RAI2: variants seen among roughly 807,000 people sequenced by gnomAD.
RAI2 encodes retinoic acid-induced protein 2.
A neutral mutation model predicts 15.3 loss-of-function variants in RAI2; 5 were observed. The observed-to-expected ratio is 0.33, with a 90% confidence interval of 0.17 to 0.69. RAI2 has a LOEUF of 0.69. Among genes scored for constraint, RAI2 ranks in the 30% least tolerant of loss-of-function variants. The probability of loss-of-function intolerance (pLI) is 0.69; values close to 1 mark genes in which losing one functional copy is unlikely to be tolerated. For synonymous variants in RAI2, 191 were observed against 184.0 expected (o/e 1.04, Z -0.31); for missense variants, 424 against 424.7 (o/e 1.00, Z 0.01).
chrX:17,825,665 T>C (rs920999456), intron 1 of RAI2, among the ~76,000 whole-genome samples: 8 of 112,585 alleles, frequency 7.1e-5, no homozygotes, highest in African/African-American at 2.3e-4. Flanking sequence ...GGTGGGCAGG[T>C]AGTGATGTCT....
In RAI2 at chrX:17,802,133, T is replaced by C; in HGVS notation, c.-24-99A>G. 7 of 1,005,961 alleles carry C rather than the reference T, an allele frequency of 7.0e-6. No individual in the cohort carries two copies. The South Asian group carries it at 1.7e-4, about 25-fold the overall frequency. The allele number at this position is 1,005,961 out of a possible 1,213,427, so 82.9% of individuals were successfully genotyped here. On this transcript the variant is annotated intron_variant, in intron 1 of 1. Transcript: ENST00000451717. ...CTTTAGAAAGTTTCCACGTTTTAGT[T>C]AACCAGGGAGCATAACCCATCTCTC...
chrX:17,833,260 G>T (rs1456208310), intron 1 of RAI2, among the ~76,000 whole-genome samples: 1 of 111,689 alleles, frequency 9.0e-6, no homozygotes, highest in Non-Finnish European at 1.9e-5. Flanking sequence ...GGTGGCTCAG[G>T]CCTGTAATCT....
At chrX:17,838,150 G>A (rs764135233) in intron 1 of RAI2, among the ~76,000 whole-genome samples, 1 of 112,436 alleles carries the variant, frequency 8.9e-6, no homozygotes, top group African/African-American at 3.2e-5. Flanking sequence ...CGATACCGAA[G>A]TAAGAATAGT....
chrX:17,836,859 C>T (rs1405357095), intron 1 of RAI2, among the ~76,000 whole-genome samples: 1 of 112,103 alleles, frequency 8.9e-6, no homozygotes, highest in Non-Finnish European at 1.9e-5. Context: ...AAGGGGACCA[C>T]AGGCAGCACC....
chrX:17,850,976 C>T lies in RAI2; in HGVS notation c.-25+10122G>A, dbSNP rs79265033. ...CACTTCACTGTGAGGGGGCAGAAATCCTGTCCGATACAGGCAGTGGTCTGC... is the reference window on the plus strand; with the variant it reads ...CACTTCACTGTGAGGGGGCAGAAATTCTGTCCGATACAGGCAGTGGTCTGC... On this transcript the variant is annotated intron_variant, in intron 1 of 1. Transcript: ENST00000451717. 1.1e-3 allele frequency among the ~76,000 whole-genome samples: 126 copies of T among 112,871 alleles called. 1 individual carries two copies. In the East Asian group the frequency reaches 0.026, roughly 23 times the overall value.
At position 17,801,861 on chromosome X, in the gene RAI2, C is replaced by T. The variant is rs758447930; in HGVS notation, c.150G>A (p.Leu50=). ...GAATGGATGGGGCTGGCACGGTCACCAGGGCCTTCTTTACCAGGTCAGTGG... is the reference window on the plus strand; with the variant it reads ...GAATGGATGGGGCTGGCACGGTCACTAGGGCCTTCTTTACCAGGTCAGTGG... ...INSTDLVKKA[L]VTVPAPSILN... Residue 50 remains leucine (L), a synonymous_variant, in exon 2 of 2, where the codon CTG becomes CTA. Transcript: ENST00000451717. 3.3e-6 allele frequency: 4 copies of T among 1,211,068 alleles called. No individual in the cohort carries two copies. The Admixed American group carries it at 6.5e-5, about 20-fold the overall frequency.
At position 17,800,353 on chromosome X, in the gene RAI2, C is replaced by A; in HGVS notation, c.*65G>T. The A allele has an allele frequency of 1.8e-6, 2 of 1,105,603 alleles. No individual in the cohort carries two copies. Among genetic ancestry groups the A allele is most frequent in the Non-Finnish European group, 1.2e-6 (1 of 835,894 alleles). 91.1% of individuals were successfully genotyped at this position (1,105,603 alleles called of 1,213,427 possible). On this transcript the variant is annotated 3_prime_UTR_variant, in exon 2 of 2. Transcript: ENST00000451717. ...TAACAAAGATAATTTGTTTTAAATG[C>A]CTTTTTATAAAACCAATGCACCTTT...
Position 17,800,916 on chromosome X carries a change from T to G in RAI2, c.1095A>C (p.Ala365=), listed in dbSNP as rs763069184. 2 of 1,211,257 alleles carry G rather than the reference T, an allele frequency of 1.7e-6. No homozygotes were observed. The highest frequency in any genetic ancestry group is 2.2e-6 in the Non-Finnish European group (2 of 895,219). Residue 365 remains alanine (A), a synonymous_variant, in exon 2 of 2, where the codon GCA becomes GCC. Coordinates refer to ENST00000451717, the MANE Select transcript of RAI2 (RefSeq NM_021785.6). The part of the protein sequence containing the change: ...PPPETLYDSG[A]SVDSSGHTVM... ...CTGTGTGACCTGAGCTGTCCACTGATGCACCACTGTCATACAGTGTCTCAG... is the reference window on the plus strand; with the variant it reads ...CTGTGTGACCTGAGCTGTCCACTGAGGCACCACTGTCATACAGTGTCTCAG...
chrX:17,828,805 CCT>C (rs1265320780), intron 1 of RAI2, among the ~76,000 whole-genome samples: 4 of 111,219 alleles, frequency 3.6e-5, no homozygotes, highest in African/African-American at 1.3e-4. Context: ...TGGCTCTGTC[CCT>C]GAGCTCTGTG....
At chrX:17,816,466 G>C (rs921510868) in intron 1 of RAI2, among the ~76,000 whole-genome samples, 2 of 112,283 alleles carry the variant, frequency 1.8e-5, no homozygotes, top group Non-Finnish European at 3.8e-5. Context: ...GGAAGAAGTA[G>C]AGATGTCTTC....
chrX:17,814,746 T>C (rs893366227), intron 1 of RAI2, among the ~76,000 whole-genome samples: 23 of 110,772 alleles, frequency 2.1e-4, no homozygotes, highest in Admixed American at 9.6e-4. Context: ...ATAGCTAATG[T>C]GTTCCTTTGC....
intron 1 of RAI2, among the ~76,000 whole-genome samples, chrX:17,859,705 C>T (rs930700004): frequency 8.9e-6 from 1 of 112,568 alleles, no homozygotes; most frequent in African/African-American, 3.2e-5. Context: ...GCCCCTCAAA[C>T]CCCATCGCTG....
intron 1 of RAI2, among the ~76,000 whole-genome samples, chrX:17,828,938 G>A (rs1383906864): frequency 9.0e-6 from 1 of 111,599 alleles, no homozygotes; most frequent in Non-Finnish European, 1.9e-5. Context: ...GTGGCTTAGA[G>A]TAGAGCCTTA....
At chrX:17,836,667 C>T (rs1243737787) in intron 1 of RAI2, among the ~76,000 whole-genome samples, 2 of 112,236 alleles carry the variant, frequency 1.8e-5, no homozygotes, top group African/African-American at 3.2e-5. Flanking sequence ...AGATATCTGA[C>T]GAAGGCCTTG....
chrX:17,802,060 A>C lies in RAI2; in HGVS notation c.-24-26T>G, dbSNP rs2187846. ...CTGCAACACAGAACATACAATATGA[A>C]TCTTCCTTAAAAGACTATTTATAAT... On this transcript the variant is annotated intron_variant, in intron 1 of 1. Coordinates refer to ENST00000451717, the MANE Select transcript of RAI2 (RefSeq NM_021785.6). 0.048 allele frequency: 54,582 copies of C among 1,144,154 alleles called. 1,185 individuals are homozygous for C. Among genetic ancestry groups the C allele is most frequent in the African/African-American group, 0.12 (6,641 of 54,798 alleles). The allele number at this position is 1,144,154 out of a possible 1,213,427, so 94.3% of individuals were successfully genotyped here. A position where few individuals can be genotyped will look rare whatever the true frequency, so the allele number is the denominator to read the frequency against.
At chrX:17,849,875 GCTTC>G (rs2067507909) in intron 1 of RAI2, among the ~76,000 whole-genome samples, 1 of 112,567 alleles carries the variant, frequency 8.9e-6, no homozygotes, top group African/African-American at 3.2e-5. Flanking sequence ...TTTGTGAAAG[GCTTC>G]CTTTTCTTCT....
At chrX:17,842,230 C>T (rs966244213) in intron 1 of RAI2, among the ~76,000 whole-genome samples, 1 of 111,339 alleles carries the variant, frequency 9.0e-6, no homozygotes, top group Middle Eastern at 4.6e-3. Flanking sequence ...CCCTTACTGC[C>T]CACAGTCCAT....
chrX:17,824,691 AG>A (rs2067207295), intron 1 of RAI2, among the ~76,000 whole-genome samples: 1 of 112,200 alleles, frequency 8.9e-6, no homozygotes, highest in African/African-American at 3.2e-5. Flanking sequence ...GTATGAACAA[AG>A]GTGTCAGCAA....
At chrX:17,845,752 A>G (rs767602972) in intron 1 of RAI2, among the ~76,000 whole-genome samples, 2 of 112,487 alleles carry the variant, frequency 1.8e-5, no homozygotes, top group East Asian at 5.6e-4. Context: ...CTGCTACACA[A>G]GAGTCTGCAT....
Sources: allele counts gnomAD v4.1 joint callset (sites outside exome capture counted in the v4.1 genomes callset), GRCh38; gene constraint gnomAD v4.1.1; transcripts MANE v1.5; gene names NCBI Gene and HGNC (gene_info 2026-07-23, HGNC 2026-07-21).